The following ZNF804B variants were observed in gnomAD, a reference collection of about 807,000 sequenced individuals.
ZNF804B encodes zinc finger protein 804B.
Under a neutral mutation model 101.4 loss-of-function variants are expected in ZNF804B, and 80 were observed. That is an observed-to-expected ratio of 0.79 (90% CI 0.66 to 0.95). The LOEUF (loss-of-function observed/expected upper bound fraction) is 0.95. ZNF804B is among the 40% of genes least tolerant of loss of function. ZNF804B has a pLI of 0.00. For synonymous variants in ZNF804B, 622 were observed against 558.8 expected, an observed-to-expected ratio of 1.11 and a Z score of -1.59; for missense variants, 1,673 against 1,561.9, an observed-to-expected ratio of 1.07 and a Z score of -1.20.
intron 1 of ZNF804B, among the ~76,000 whole-genome samples, chr7:89,170,958 C>A (rs1584030165): frequency 6.6e-6 from 1 of 152,192 alleles, no homozygotes; most frequent in Non-Finnish European, 1.5e-5. Context: ...ACAAACATCT[C>A]CTGGCCTTGC....
At chr7:89,289,717 T>C (rs1183223610) in intron 2 of ZNF804B, among the ~76,000 whole-genome samples, 1 of 152,174 alleles carries the variant, frequency 6.6e-6, no homozygotes, top group Non-Finnish European at 1.5e-5. Flanking sequence ...CTTGAGTTGC[T>C]GCAAGCCTTG....
chr7:89,092,400 T>C (rs1362783773), intron 1 of ZNF804B, among the ~76,000 whole-genome samples: 13 of 135,010 alleles, frequency 9.6e-5, no homozygotes, highest in Non-Finnish European at 1.7e-4. Context: ...TGATTTCTTT[T>C]CTTTTCTGTT....
chr7:89,128,606 C>A (rs1054350837), intron 1 of ZNF804B, among the ~76,000 whole-genome samples: 1 of 151,814 alleles, frequency 6.6e-6, no homozygotes, highest in Non-Finnish European at 1.5e-5. Flanking sequence ...TGTTTATCAG[C>A]CATTCTTTTG....
At chr7:89,213,730 C>T (rs1011175930) in intron 1 of ZNF804B, among the ~76,000 whole-genome samples, 17 of 152,278 alleles carry the variant, frequency 1.1e-4, no homozygotes, top group Admixed American at 2.0e-4. Context: ...TGGTGAATCA[C>T]GCCTCTGAAG....
intron 1 of ZNF804B, among the ~76,000 whole-genome samples, chr7:88,806,415 G>T (rs1159517981): frequency 5.3e-5 from 8 of 152,028 alleles, no homozygotes; most frequent in Admixed American, 4.6e-4. Context: ...TTGGTTTTCT[G>T]GGAAGAGTAA....
chr7:89,114,554 G>A (rs1178070009), intron 1 of ZNF804B, among the ~76,000 whole-genome samples: 1 of 152,142 alleles, frequency 6.6e-6, no homozygotes, highest in Non-Finnish European at 1.5e-5. Context: ...ATGATATCTG[G>A]TGCCACTAGT....
intron 1 of ZNF804B, among the ~76,000 whole-genome samples, chr7:88,780,442 G>T (rs577094007): frequency 2.8e-5 from 4 of 140,806 alleles, no homozygotes; most frequent in African/African-American, 1.1e-4. Context: ...AGGAGGGAGT[G>T]CAGTGGCATG....
intron 1 of ZNF804B, among the ~76,000 whole-genome samples, chr7:89,081,445 T>G (rs1246653026): frequency 1.3e-5 from 2 of 151,876 alleles, no homozygotes; most frequent in Admixed American, 6.6e-5. Flanking sequence ...TGATCAATAT[T>G]GCTTACTTCC....
rs187436857 is a variant in ZNF804B, at chr7:89,020,207, A to G, written c.109-197948A>G. Among the ~76,000 whole-genome samples, 3 of 152,108 alleles carry G rather than the reference A, an allele frequency of 2.0e-5. No homozygotes were observed. In the East Asian group the frequency reaches 5.8e-4, roughly 29 times the overall value. On this transcript the variant is annotated intron_variant, in intron 1 of 3. Coordinates refer to ENST00000333190, the MANE Select transcript of ZNF804B (RefSeq NM_181646.5). ...ATATTTACTGTCTTTTTGCTTCCAG[A>G]TGCAGGACTCTCTTAAGCATTTCTT...
intron 2 of ZNF804B, among the ~76,000 whole-genome samples, chr7:89,271,033 C>G (rs1789885795): frequency 6.6e-6 from 1 of 152,304 alleles, no homozygotes; most frequent in Non-Finnish European, 1.5e-5. Context: ...TTGACTTCCT[C>G]TTTTCCTAAT....
chr7:88,989,213 GTCTTGA>G (rs1793808867), intron 1 of ZNF804B, among the ~76,000 whole-genome samples: 1 of 151,950 alleles, frequency 6.6e-6, no homozygotes, highest in African/African-American at 2.4e-5. Context: ...GGCCAGGATG[GTCTTGA>G]TCTCCTGACC....
intron 1 of ZNF804B, among the ~76,000 whole-genome samples, chr7:89,024,597 CTTTT>C (rs71120052): frequency 3.2e-5 from 3 of 94,218 alleles, no homozygotes; most frequent in Admixed American, 1.4e-4. Context: ...AAAGCTATTA[CTTTT>C]TTTTTTTTTT....
At chr7:89,240,623 A>G (rs138543337) in intron 2 of ZNF804B, among the ~76,000 whole-genome samples, 115 of 151,740 alleles carry the variant, frequency 7.6e-4, no homozygotes, top group East Asian at 6.8e-3. Context: ...TTCTGCTTAT[A>G]TTCTTCATTT....
Position 89,248,380 on chromosome 7 carries a change from G to C in ZNF804B, c.249+30085G>C, listed in dbSNP as rs112652026. On this transcript the variant is annotated intron_variant, in intron 2 of 3. Coordinates refer to ENST00000333190, the MANE Select transcript of ZNF804B (RefSeq NM_181646.5). ...AGAAAAAGGTCAAATTATGTACAAA[G>C]GGAACACTATCAGGCTAACAGTGAG... Among the ~76,000 whole-genome samples, 365 of 150,606 alleles carry C rather than the reference G, an allele frequency of 2.4e-3. 3 individuals carry two copies. Among genetic ancestry groups the C allele is most frequent in the African/African-American group, 8.7e-3 (354 of 40,918 alleles).
At chr7:89,308,796 G>A (rs935622596) in intron 2 of ZNF804B, among the ~76,000 whole-genome samples, 2 of 152,132 alleles carry the variant, frequency 1.3e-5, no homozygotes, top group Non-Finnish European at 2.9e-5. Context: ...ATTCAACTCT[G>A]CCAATACAGT....
intron 1 of ZNF804B, among the ~76,000 whole-genome samples, chr7:88,932,776 G>T (rs2116023310): frequency 6.6e-6 from 1 of 151,656 alleles, no homozygotes; most frequent in South Asian, 2.1e-4. Flanking sequence ...CCCACAAAAA[G>T]TCCAGAACTA....
intron 2 of ZNF804B, among the ~76,000 whole-genome samples, chr7:89,280,597 C>T (rs1330718097): frequency 6.6e-6 from 1 of 152,208 alleles, no homozygotes; most frequent in Admixed American, 6.5e-5. Flanking sequence ...CACAGAAATA[C>T]AAACTACCAT....
chr7:89,006,617 G>A lies in ZNF804B; in HGVS notation c.109-211538G>A, dbSNP rs1788371938. On this transcript the variant is annotated intron_variant, in intron 1 of 3. Transcript: ENST00000333190. The stretch of plus-strand genomic sequence containing the variant: ...AAGTATAGCACAATTGATGTGGTTA[G>A]ATGCCATGGCCATATTAAAGTTTTT... Among the ~76,000 whole-genome samples, 6 of 152,130 alleles carry A rather than the reference G, an allele frequency of 3.9e-5. No homozygotes were observed. The South Asian group carries it at 1.2e-3, about 32-fold the overall frequency.
chr7:89,305,572 T>C (rs1266190114), intron 2 of ZNF804B, among the ~76,000 whole-genome samples: 1 of 152,014 alleles, frequency 6.6e-6, no homozygotes, highest in Non-Finnish European at 1.5e-5. Context: ...ATTAAATGAC[T>C]GCATTATAAT....
Sources: allele counts gnomAD v4.1 joint callset (sites outside exome capture counted in the v4.1 genomes callset), GRCh38; gene constraint gnomAD v4.1.1; transcripts MANE v1.5; gene names NCBI Gene and HGNC (gene_info 2026-07-23, HGNC 2026-07-21).